Variants in TTC17 observed in about 807,000 individuals in gnomAD.
TTC17 encodes the protein tetratricopeptide repeat domain 17, also known as tetratricopeptide repeat protein 17.
Under a neutral mutation model 143.8 loss-of-function variants are expected in TTC17, and 58 were observed. That is an observed-to-expected ratio of 0.40 (90% CI 0.33 to 0.50). The LOEUF is 0.50. Ranked by LOEUF, TTC17 falls within the 20% of genes least tolerant of loss-of-function variation. The pLI is 0.49. For missense variants in TTC17, 1,273 were observed against 1,392.5 expected, an observed-to-expected ratio of 0.91 and a Z score of 1.37; for synonymous variants, 501 against 497.8, an observed-to-expected ratio of 1.01 and a Z score of -0.09.
At chr11:43,415,575 G>A (rs978444373) in intron 16 of TTC17, among the ~76,000 whole-genome samples, 2 of 152,040 alleles carry the variant, frequency 1.3e-5, no homozygotes, top group African/African-American at 4.8e-5. Context: ...TAATCAGATG[G>A]ATATTAGTTC....
At chr11:43,457,827 A>G (rs1415731083) in intron 21 of TTC17, among the ~76,000 whole-genome samples, 1 of 152,058 alleles carries the variant, frequency 6.6e-6, no homozygotes, top group African/African-American at 2.4e-5. Flanking sequence ...GAAAAACTCC[A>G]AAGATCTAAC....
At chr11:43,456,915 A>G (rs1360911875) in intron 21 of TTC17, among the ~76,000 whole-genome samples, 1 of 152,144 alleles carries the variant, frequency 6.6e-6, no homozygotes, top group Non-Finnish European at 1.5e-5. Context: ...CGGTAGAGTG[A>G]AATCTCTCCA....
chr11:43,384,100 G>A (rs1270716862), intron 2 of TTC17, among the ~76,000 whole-genome samples: 2 of 150,530 alleles, frequency 1.3e-5, no homozygotes, highest in Non-Finnish European at 2.9e-5. Flanking sequence ...AGCTATGATA[G>A]TACCACCGCA....
chr11:43,408,909 A>G (rs187631361), intron 15 of TTC17, among the ~76,000 whole-genome samples: 213 of 152,008 alleles, frequency 1.4e-3, no homozygotes, highest in Middle Eastern at 6.8e-3. Context: ...GTATGGCTGA[A>G]TTTTGTATTT....
chr11:43,367,970 T>G (rs369330638), intron 1 of TTC17, among the ~76,000 whole-genome samples: 1 of 152,200 alleles, frequency 6.6e-6, no homozygotes, highest in African/African-American at 2.4e-5. Flanking sequence ...AAAGAGTGGC[T>G]GACACATAGT....
At chr11:43,416,378 G>GTATACA (rs1269953105) in intron 16 of TTC17, among the ~76,000 whole-genome samples, 2 of 152,040 alleles carry the variant, frequency 1.3e-5, no homozygotes, top group Admixed American at 6.6e-5. Flanking sequence ...TTTTGTCACT[G>GTATACA]TATACATGTA....
intron 15 of TTC17, among the ~76,000 whole-genome samples, chr11:43,412,981 G>GACATAC (rs1011505049): frequency 1.9e-4 from 27 of 140,482 alleles, no homozygotes; most frequent in African/African-American, 6.9e-4. Flanking sequence ...ACCTAGAATA[G>GACATAC]ACACACACAC....
intron 15 of TTC17, among the ~76,000 whole-genome samples, chr11:43,411,438 A>C (rs1858408665): frequency 7.0e-6 from 1 of 143,356 alleles, no homozygotes. Context: ...CGCCCCCCAC[A>C]ATCTAGTGCT....
At position 43,451,773 on chromosome 11, in the gene TTC17, G is replaced by A. The variant is rs369736463; in HGVS notation, c.3030+508G>A. Among the ~76,000 whole-genome samples the A allele has an allele frequency of 3.3e-3, 501 of 152,162 alleles. 2 individuals carry two copies. The highest frequency in any genetic ancestry group is 0.011 in the African/African-American group (467 of 41,522). On this transcript the variant is annotated intron_variant, in intron 21 of 23. Transcript: ENST00000039989. ...TGTGTGATATTTGTGTAAAGAGGAG[G>A]GGTTTTTTAATTTAATTTTATTACT...
chr11:43,427,186 T>G (rs1254055284), intron 16 of TTC17, among the ~76,000 whole-genome samples: 1 of 152,190 alleles, frequency 6.6e-6, no homozygotes, highest in Non-Finnish European at 1.5e-5. Flanking sequence ...GTTTTCCTAC[T>G]CGATCACTTT....
chr11:43,418,443 G>A (rs75141109), intron 16 of TTC17, among the ~76,000 whole-genome samples: 142 of 152,142 alleles, frequency 9.3e-4, no homozygotes, highest in African/African-American at 3.3e-3. Context: ...TCTTGTTTGG[G>A]CAGTTTTAAA....
intron 10 of TTC17, among the ~76,000 whole-genome samples, chr11:43,402,111 C>T (rs1857890469): frequency 6.6e-6 from 1 of 152,002 alleles, no homozygotes; most frequent in African/African-American, 2.4e-5. Context: ...TCAATAACTC[C>T]ATGGATGCTT....
chr11:43,358,976 C>G lies in TTC17; in HGVS notation c.22C>G (p.Arg8Gly), dbSNP rs534021257. 1.8e-5 allele frequency: 29 copies of G among 1,580,330 alleles called. No individual in the cohort carries two copies. In the South Asian group the frequency reaches 3.3e-4, roughly 18 times the overall value. Reference protein sequence around the residue: MAAAVGVRGRYELPPCSG... With the variant: MAAAVGVGGRYELPPCSG... ...CAAGATGGCGGCGGCAGTAGGGGTTCGTGGCCGGTACGAGCTGCCGCCTTG... is the reference window on the plus strand; with the variant it reads ...CAAGATGGCGGCGGCAGTAGGGGTTGGTGGCCGGTACGAGCTGCCGCCTTG... Residue 8 changes from arginine (R) to glycine (G), a missense_variant, in exon 1 of 24, where the codon CGT becomes GGT. This residue lies in a region of TTC17 where 70 missense variants were observed against 48.5 expected (regional missense o/e 1.44). Coordinates refer to ENST00000039989, the MANE Select transcript of TTC17 (RefSeq NM_018259.6).
intron 21 of TTC17, among the ~76,000 whole-genome samples, chr11:43,478,343 T>C (rs1948222690): frequency 6.6e-6 from 1 of 152,182 alleles, no homozygotes. Flanking sequence ...TTGGGGTACA[T>C]AGGAACAACC....
At chr11:43,429,068 G>T (rs191187715) in intron 16 of TTC17, among the ~76,000 whole-genome samples, 1 of 152,284 alleles carries the variant, frequency 6.6e-6, no homozygotes, top group East Asian at 1.9e-4. Flanking sequence ...CCAAATAGAG[G>T]ATAGAACAGG....
intron 21 of TTC17, among the ~76,000 whole-genome samples, chr11:43,482,994 A>G (rs1948315514): frequency 6.6e-6 from 1 of 152,136 alleles, no homozygotes; most frequent in African/African-American, 2.4e-5. Context: ...TCTCAATATC[A>G]AGAAAAAGGG....
intron 6 of TTC17, chr11:43,397,041 T>C (rs1256732884): frequency 2.6e-5 from 12 of 459,370 alleles, no homozygotes; most frequent in Admixed American, 1.8e-4. Context: ...AAGGAAAAAA[T>C]ATGTAGATGC....
intron 21 of TTC17, among the ~76,000 whole-genome samples, chr11:43,462,413 T>G (rs1466985149): frequency 6.6e-6 from 1 of 152,182 alleles, no homozygotes; most frequent in Non-Finnish European, 1.5e-5. Context: ...GACTTAATCC[T>G]GAAGAGTAGA....
intron 16 of TTC17, among the ~76,000 whole-genome samples, chr11:43,425,046 C>G (rs1015955460): frequency 1.3e-5 from 2 of 152,248 alleles, no homozygotes; most frequent in Middle Eastern, 3.4e-3. Flanking sequence ...TGCATGTTGT[C>G]TAAATCTTGA....
Sources: gnomAD v4.1 joint callset for allele counts (sites outside exome capture counted in the v4.1 genomes callset) on GRCh38, gnomAD v4.1.1 for gene constraint, gnomAD v4.1.1 regional missense constraint, MANE v1.5 for transcripts, NCBI Gene and HGNC (gene_info 2026-07-23, HGNC 2026-07-21) for gene names.